NSUN6: variants seen among roughly 807,000 people sequenced by gnomAD.
The protein encoded by NSUN6 is tRNA (cytosine(72)-C(5))-methyltransferase NSUN6.
NSUN6 carries 64 observed loss-of-function variants against 58.0 expected under a neutral mutation model. The observed-to-expected ratio is 1.10, with a 90% CI of 0.90 to 1.36. NSUN6 has a LOEUF of 1.36. NSUN6 is among the 40% of genes most tolerant of loss of function. The pLI, the probability that NSUN6 is intolerant of heterozygous loss-of-function variation, is 0.00. For synonymous variants in NSUN6, 231 were observed against 193.9 expected (o/e 1.19, Z -1.59); for missense variants, 701 against 550.1 (o/e 1.27, Z -2.74).
intron 8 of NSUN6, among the ~76,000 whole-genome samples, chr10:18,556,312 G>GGAGAATGGAATGGAATA (rs139597390): frequency 0.61 from 90,904 of 149,728 alleles, 27,910 homozygotes; most frequent in East Asian, 0.96. Flanking sequence ...GGAATGCAAT[G>GGAGAATGGAATGGAATA]GAGAATGGAA....
intron 3 of NSUN6, among the ~76,000 whole-genome samples, chr10:18,625,466 A>C (rs1218529704): frequency 6.6e-6 from 1 of 152,088 alleles, no homozygotes; most frequent in South Asian, 2.1e-4. Context: ...AAATCCCAGC[A>C]CTTTGGAAGG....
intron 3 of NSUN6, among the ~76,000 whole-genome samples, chr10:18,627,461 G>A (rs1039635495): frequency 1.3e-5 from 2 of 152,326 alleles, no homozygotes; most frequent in East Asian, 1.9e-4. Context: ...CGTGAGCGAC[G>A]CAGAAGACGG....
intron 3 of NSUN6, among the ~76,000 whole-genome samples, chr10:18,620,263 G>A (rs1431954027): frequency 6.6e-6 from 1 of 151,780 alleles, no homozygotes; most frequent in African/African-American, 2.4e-5. Context: ...AATTTTTTGT[G>A]TTTTTAGTAG....
rs746202211 is a variant in NSUN6 at position 18,651,223 on chromosome 10, TCCA to T, written c.-23_-21del. On this transcript the variant is annotated 5_prime_UTR_variant, in exon 1 of 11. Transcript: ENST00000377304. ...AGACATTTTTCCTGTTGTTTAGTTC[TCCA>T]CCAAGAGAAATGCTGGAAAACGGTG... 13 of 1,538,822 alleles carry T rather than the reference TCCA, an allele frequency of 8.4e-6. No homozygotes were observed. Among genetic ancestry groups the T allele is most frequent in the Non-Finnish European group, 8.7e-6 (10 of 1,151,148 alleles).
chr10:18,566,646 A>C (rs745541966), intron 8 of NSUN6, among the ~76,000 whole-genome samples: 2 of 147,934 alleles, frequency 1.4e-5, no homozygotes, highest in Non-Finnish European at 3.0e-5. Flanking sequence ...TCCATTTCCC[A>C]TTCCATTCTA....
chr10:18,611,432 G>C (rs1354685450), intron 5 of NSUN6, among the ~76,000 whole-genome samples: 2 of 152,096 alleles, frequency 1.3e-5, no homozygotes, highest in Non-Finnish European at 2.9e-5. Context: ...GGCAGGATAA[G>C]TTTATGTTGG....
intron 3 of NSUN6, among the ~76,000 whole-genome samples, chr10:18,621,458 A>G (rs1215309081): frequency 1.3e-5 from 2 of 152,246 alleles, no homozygotes; most frequent in African/African-American, 4.8e-5. Context: ...AGGACTGACA[A>G]TATAAAAACA....
chr10:18,562,709 G>C (rs2055614680), intron 8 of NSUN6, among the ~76,000 whole-genome samples: 1 of 151,254 alleles, frequency 6.6e-6, no homozygotes, highest in Non-Finnish European at 1.5e-5. Context: ...GAATGGAATG[G>C]AGAATGGAAT....
intron 8 of NSUN6, among the ~76,000 whole-genome samples, chr10:18,582,218 C>T (rs2056936027): frequency 6.6e-6 from 1 of 152,220 alleles, no homozygotes; most frequent in Non-Finnish European, 1.5e-5. Context: ...TTCCCTGGCA[C>T]TGGCTGCAAC....
chr10:18,651,260 T>C lies in NSUN6; in HGVS notation c.-57A>G, dbSNP rs1424796853. Reference sequence around the variant, plus strand: ...AATGCTGGAAAACGGTGTTTTGTTTTTTTTTTTCTTTCCGAATTAATAGTG... The same window carrying C: ...AATGCTGGAAAACGGTGTTTTGTTTCTTTTTTTCTTTCCGAATTAATAGTG... On this transcript the variant is annotated 5_prime_UTR_variant, in exon 1 of 11. Transcript: ENST00000377304. 4.7e-6 allele frequency: 7 copies of C among 1,502,724 alleles called. No homozygotes were observed. In the African/African-American group the frequency reaches 7.2e-5, roughly 15 times the overall value. The allele number at this position is 1,502,724 out of a possible 1,614,324, so 93.1% of individuals were successfully genotyped here.
At chr10:18,583,627 A>G (rs2057000123) in intron 8 of NSUN6, among the ~76,000 whole-genome samples, 1 of 152,202 alleles carries the variant, frequency 6.6e-6, no homozygotes. Context: ...AAACATGCTT[A>G]AAAATGTAAA....
intron 7 of NSUN6, among the ~76,000 whole-genome samples, chr10:18,589,711 G>C (rs897945076): frequency 6.6e-6 from 1 of 152,124 alleles, no homozygotes; most frequent in Non-Finnish European, 1.5e-5. Flanking sequence ...CAAATGCTGA[G>C]GGATTTTGTC....
chr10:18,658,032 A>C (rs1219890359), upstream of NSUN6, among the ~76,000 whole-genome samples: 2 of 152,172 alleles, frequency 1.3e-5, no homozygotes, highest in Non-Finnish European at 2.9e-5. Context: ...CTAACAATTG[A>C]AGAAGCTGTT....
At chr10:18,653,442 G>C (rs1343502865), upstream of NSUN6, 1 of 312,296 alleles carries the variant, frequency 3.2e-6, no homozygotes, top group Non-Finnish European at 4.7e-6. Flanking sequence ...TGCTATCTCA[G>C]CTCACTGCAA....
chr10:18,557,431 A>C (rs1038376645), intron 8 of NSUN6, among the ~76,000 whole-genome samples: 1 of 150,740 alleles, frequency 6.6e-6, no homozygotes, highest in Non-Finnish European at 1.5e-5. Flanking sequence ...AATGGAATGG[A>C]GAATGGAATG....
intron 8 of NSUN6, among the ~76,000 whole-genome samples, chr10:18,554,211 G>A (rs1368013699): frequency 1.3e-5 from 2 of 150,834 alleles, no homozygotes; most frequent in Non-Finnish European, 3.0e-5. Context: ...ATGGAATGCA[G>A]AATGATATGG....
intron 3 of NSUN6, among the ~76,000 whole-genome samples, chr10:18,635,846 T>C (rs11015254): frequency 0.033 from 5,030 of 150,618 alleles, 286 homozygotes; most frequent in African/African-American, 0.12. Context: ...TTGTTGTTTT[T>C]TGTCGTTTTT....
chr10:18,573,282 ACTCCATCCCATTCCATT>A (rs1564742639), intron 8 of NSUN6, among the ~76,000 whole-genome samples: 2 of 150,888 alleles, frequency 1.3e-5, no homozygotes, highest in Non-Finnish European at 3.0e-5. Flanking sequence ...CATTCTGCAT[ACTCCATCCCATTCCATT>A]CTCCATTCCA....
At chr10:18,587,012 C>T (rs561160875) in intron 7 of NSUN6, among the ~76,000 whole-genome samples, 1 of 152,196 alleles carries the variant, frequency 6.6e-6, no homozygotes, top group African/African-American at 2.4e-5. Flanking sequence ...GGCTTCACCT[C>T]TCATGTATAT....
Sources: gnomAD v4.1 joint callset for allele counts (sites outside exome capture counted in the v4.1 genomes callset) on GRCh38, gnomAD v4.1.1 for gene constraint, MANE v1.5 for transcripts, NCBI Gene and HGNC (gene_info 2026-07-23, HGNC 2026-07-21) for gene names.